Variants in NFATC3 observed in about 807,000 individuals in gnomAD.
NFATC3 encodes nuclear factor of activated T-cells, cytoplasmic 3.
A neutral mutation model predicts 98.6 loss-of-function variants in NFATC3; 46 were observed. The observed-to-expected ratio is 0.47, with a 90% CI of 0.37 to 0.60. The LOEUF is 0.60. NFATC3 is among the 20% of genes least tolerant of loss of function. The pLI, the probability that NFATC3 is intolerant of heterozygous loss-of-function variation, is 0.00. For missense variants in NFATC3, 1,256 were observed against 1,295.5 expected (o/e 0.97, Z 0.47); for synonymous variants, 512 against 472.2 (o/e 1.08, Z -1.09).
At chr16:68,201,423 T>C (rs1191599187) in intron 9 of NFATC3, among the ~76,000 whole-genome samples, 1 of 151,024 alleles carries the variant, frequency 6.6e-6, no homozygotes, top group African/African-American at 2.4e-5. Flanking sequence ...TTTGTTTGTT[T>C]TTGTTTTTTT....
chr16:68,123,792 C>G (rs2036676882), intron 2 of NFATC3, among the ~76,000 whole-genome samples: 1 of 151,920 alleles, frequency 6.6e-6, no homozygotes, highest in Non-Finnish European at 1.5e-5. Flanking sequence ...CAAGACCAGC[C>G]TGGGTGACAT....
At chr16:68,214,396 G>A (rs568887104) in intron 9 of NFATC3, 2 of 1,614,162 alleles carry the variant, frequency 1.2e-6, no homozygotes, top group East Asian at 2.2e-5. Context: ...ACCACAGTGT[G>A]CTCTCATGTC....
At chr16:68,127,693 A>G (rs2036910861) in intron 3 of NFATC3, among the ~76,000 whole-genome samples, 1 of 152,032 alleles carries the variant, frequency 6.6e-6, no homozygotes, top group Non-Finnish European at 1.5e-5. Context: ...GTCTCAAAAA[A>G]AAAAAAAAAG....
intron 3 of NFATC3, chr16:68,138,505 G>T: frequency 7.9e-7 from 1 of 1,270,966 alleles, no homozygotes; most frequent in Non-Finnish European, 1.0e-6. Context: ...TCAAATTGTT[G>T]CTCAGGAATC....
intron 3 of NFATC3, among the ~76,000 whole-genome samples, chr16:68,143,813 C>T (rs2037888196): frequency 6.6e-6 from 1 of 152,288 alleles, no homozygotes; most frequent in East Asian, 1.9e-4. Flanking sequence ...TATCACACCA[C>T]TGCACTCCAT....
rs150937630 is a variant in NFATC3 at position 68,142,232 on chromosome 16, G to A, written c.1401+15622G>A. ...GAGCATGGGATGTTTCCATTTGTTTGTGTCATCTATGATTTTTTTCAGCAG... is the reference window on the plus strand; with the variant it reads ...GAGCATGGGATGTTTCCATTTGTTTATGTCATCTATGATTTTTTTCAGCAG... On this transcript the variant is annotated intron_variant, in intron 3 of 9. Coordinates refer to ENST00000346183, the MANE Select transcript of NFATC3 (RefSeq NM_173165.3). 1.8e-3 allele frequency among the ~76,000 whole-genome samples: 278 copies of A among 152,166 alleles called. 4 individuals are homozygous for A. The highest frequency in any genetic ancestry group is 6.3e-3 in the African/African-American group (261 of 41,518).
chr16:68,154,996 AT>A (rs2038532891), intron 3 of NFATC3, among the ~76,000 whole-genome samples: 1 of 152,264 alleles, frequency 6.6e-6, no homozygotes, highest in Admixed American at 6.5e-5. Flanking sequence ...GAGAGCAGTT[AT>A]AAGGCTATTG....
chr16:68,100,350 A>G (rs1197270721), intron 1 of NFATC3, among the ~76,000 whole-genome samples: 3 of 152,132 alleles, frequency 2.0e-5, no homozygotes, highest in Non-Finnish European at 4.4e-5. Flanking sequence ...AGGTAGGCAG[A>G]TCACTTGAGG....
chr16:68,185,720 G>A (rs1415957818), intron 8 of NFATC3, among the ~76,000 whole-genome samples: 3 of 151,936 alleles, frequency 2.0e-5, no homozygotes, highest in African/African-American at 2.4e-5. Flanking sequence ...AAAATCAGCC[G>A]GGCATTGTGG....
intron 9 of NFATC3, among the ~76,000 whole-genome samples, chr16:68,220,254 T>C (rs13336290): frequency 6.6e-6 from 1 of 152,204 alleles, no homozygotes; most frequent in East Asian, 1.9e-4. Context: ...CTGGGTGCGG[T>C]GACTCACGCC....
chr16:68,170,716 C>T (rs1047680869), intron 5 of NFATC3, among the ~76,000 whole-genome samples: 1 of 152,038 alleles, frequency 6.6e-6, no homozygotes, highest in Non-Finnish European at 1.5e-5. Context: ...TGGTCTTGAA[C>T]TCCTGACTTC....
intron 3 of NFATC3, among the ~76,000 whole-genome samples, chr16:68,128,458 C>T (rs1377919842): frequency 6.6e-6 from 1 of 151,700 alleles, no homozygotes; most frequent in African/African-American, 2.4e-5. Context: ...GCTTAGTTTT[C>T]TATATCTTTT....
At chr16:68,202,255 GGCAT>G (rs934102457) in intron 9 of NFATC3, among the ~76,000 whole-genome samples, 6 of 152,020 alleles carry the variant, frequency 3.9e-5, no homozygotes, top group Non-Finnish European at 8.8e-5. Context: ...CTGAATGTAG[GGCAT>G]TTGGTAATTC....
chr16:68,121,319 T>C (rs1376271259), intron 1 of NFATC3, among the ~76,000 whole-genome samples: 1 of 146,866 alleles, frequency 6.8e-6, no homozygotes, highest in Non-Finnish European at 1.5e-5. Flanking sequence ...TGATCTGAGC[T>C]CACTGCAGCC....
At chr16:68,209,781 A>G (rs1187068235) in intron 9 of NFATC3, 1 of 439,102 alleles carries the variant, frequency 2.3e-6, no homozygotes, top group South Asian at 1.8e-5. Context: ...TAGTAGTTGA[A>G]GTACTTCAAA....
At chr16:68,108,218 T>C (rs1053520949) in intron 1 of NFATC3, among the ~76,000 whole-genome samples, 1 of 152,228 alleles carries the variant, frequency 6.6e-6, no homozygotes, top group African/African-American at 2.4e-5. Flanking sequence ...GGGTTTTACA[T>C]TGAAGTCTTT....
At chr16:68,181,381 G>A in intron 6 of NFATC3, 94 bp from the exon 7 acceptor site, 1 of 825,162 alleles carries the variant, frequency 1.2e-6, no homozygotes, top group South Asian at 1.5e-5. Context: ...GATCCCCTTT[G>A]TTAATAAATT....
chr16:68,144,501 A>G (rs1209122184), intron 3 of NFATC3, among the ~76,000 whole-genome samples: 8 of 151,914 alleles, frequency 5.3e-5, no homozygotes, highest in Admixed American at 5.2e-4. Flanking sequence ...ATGTATTATC[A>G]TTATCATCAT....
chr16:68,196,525 C>G (rs942346394), intron 9 of NFATC3, among the ~76,000 whole-genome samples: 3 of 152,180 alleles, frequency 2.0e-5, no homozygotes, highest in African/African-American at 7.2e-5. Flanking sequence ...GTTCTGCAAA[C>G]TTTTAATGTA....
Sources: allele counts gnomAD v4.1 joint callset (sites outside exome capture counted in the v4.1 genomes callset), GRCh38; gene constraint gnomAD v4.1.1; transcripts MANE v1.5; gene names NCBI Gene and HGNC (gene_info 2026-07-23, HGNC 2026-07-21).